AXDND1: variants seen among roughly 807,000 people sequenced by gnomAD.
The protein encoded by AXDND1 is axonemal dynein light chain domain containing 1.
A neutral mutation model predicts 137.5 loss-of-function variants in AXDND1; 110 were observed. The ratio of observed to expected loss-of-function variants is 0.80; its 90% CI spans 0.69 to 0.94. AXDND1 has a LOEUF of 0.94. Ranked by LOEUF, AXDND1 falls within the 40% of genes least tolerant of loss-of-function variation. AXDND1 has a pLI of 0.00. For missense variants in AXDND1, 1,191 were observed against 1,169.8 expected, an observed-to-expected ratio of 1.02 and a Z score of -0.26; for synonymous variants, 414 against 399.7, an observed-to-expected ratio of 1.04 and a Z score of -0.43.
At chr1:179,515,626 G>A (rs1435312706) in intron 21 of AXDND1, among the ~76,000 whole-genome samples, 6 of 152,084 alleles carry the variant, frequency 3.9e-5, no homozygotes, top group African/African-American at 1.2e-4. Flanking sequence ...GATCTCTAGC[G>A]AGGCCAGGGA....
At chr1:179,379,539 A>G in intron 6 of AXDND1, 57 bp downstream of exon 6, 1 of 1,585,600 alleles carries the variant, frequency 6.3e-7, no homozygotes, top group East Asian at 2.3e-5. Context: ...CATGCCTGTA[A>G]TCCCAGCACT....
intron 12 of AXDND1, among the ~76,000 whole-genome samples, chr1:179,417,191 C>CTTTTTTTTTTTTTTTTTTTT (rs141201555): frequency 7.0e-6 from 1 of 143,568 alleles, no homozygotes. Context: ...ACTATCTCCT[C>CTTTTTTTTTTTTTTTTTTTT]TTTTTTTTTT....
At chr1:179,388,622 C>T (rs930496894) in intron 9 of AXDND1, among the ~76,000 whole-genome samples, 8 of 151,888 alleles carry the variant, frequency 5.3e-5, no homozygotes, top group African/African-American at 1.9e-4. Context: ...CAGGATCTCG[C>T]TGTGGCCCAG....
At chr1:179,401,583 G>A (rs1652059705) in intron 11 of AXDND1, among the ~76,000 whole-genome samples, 1 of 151,920 alleles carries the variant, frequency 6.6e-6, no homozygotes, top group South Asian at 2.1e-4. Context: ...AATATGGTTT[G>A]GCTGTGTCCC....
chr1:179,525,225 T>A (rs968082015), intron 21 of AXDND1, 109 bp from the exon 22 acceptor site: 32 of 1,101,994 alleles, frequency 2.9e-5, no homozygotes, highest in Non-Finnish European at 1.5e-5. Context: ...TGTATCCTTG[T>A]CACTAGCACA....
chr1:179,370,415 T>C (rs1667930967), intron 4 of AXDND1, among the ~76,000 whole-genome samples: 1 of 152,234 alleles, frequency 6.6e-6, no homozygotes, highest in East Asian at 1.9e-4. Context: ...TTAGTGCTCC[T>C]TTTATCTGTG....
chr1:179,521,080 G>GC (rs1670019175), intron 21 of AXDND1, among the ~76,000 whole-genome samples: 1 of 152,004 alleles, frequency 6.6e-6, no homozygotes, highest in South Asian at 2.1e-4. Context: ...TCCCACCTCA[G>GC]CCTCCGGACT....
intron 23 of AXDND1, among the ~76,000 whole-genome samples, chr1:179,531,610 A>G (rs771454757): frequency 1.3e-5 from 2 of 152,134 alleles, no homozygotes; most frequent in Non-Finnish European, 2.9e-5. Flanking sequence ...GACGAGGTTG[A>G]TTGATATTTG....
intron 20 of AXDND1, among the ~76,000 whole-genome samples, chr1:179,505,190 A>G (rs373769066): frequency 6.6e-6 from 1 of 152,240 alleles, no homozygotes; most frequent in Non-Finnish European, 1.5e-5. Context: ...TTTTCCAGAG[A>G]AGCCTTGTCT....
intron 23 of AXDND1, among the ~76,000 whole-genome samples, chr1:179,531,139 A>T (rs1671002604): frequency 6.6e-6 from 1 of 152,046 alleles, no homozygotes; most frequent in South Asian, 2.1e-4. Context: ...ATATTCTAAG[A>T]TTTGATGCTG....
chr1:179,539,455 G>T (rs949999978), intron 25 of AXDND1, among the ~76,000 whole-genome samples: 2 of 152,178 alleles, frequency 1.3e-5, no homozygotes, highest in Admixed American at 6.5e-5. Flanking sequence ...ATGAAGCTTA[G>T]TTTGGCTGGA....
chr1:179,398,402 C>T (rs1026321984), intron 11 of AXDND1, among the ~76,000 whole-genome samples: 1 of 152,176 alleles, frequency 6.6e-6, no homozygotes, highest in Non-Finnish European at 1.5e-5. Context: ...GGTCACTACA[C>T]TCTGTTGGGT....
At chr1:179,425,893 G>A (rs1411782475) in intron 12 of AXDND1, among the ~76,000 whole-genome samples, 1 of 146,654 alleles carries the variant, frequency 6.8e-6, no homozygotes, top group Non-Finnish European at 1.5e-5. Flanking sequence ...CTGGAATGCA[G>A]TGGCACAATC....
chr1:179,445,245 A>G (rs973342443), intron 16 of AXDND1, 41 bp downstream of exon 16: 4 of 1,259,732 alleles, frequency 3.2e-6, no homozygotes, highest in African/African-American at 1.5e-5. Context: ...TTGGTATAAA[A>G]TGTTTCCACA....
intron 17 of AXDND1, among the ~76,000 whole-genome samples, chr1:179,469,296 T>A (rs928204404): frequency 3.3e-5 from 5 of 152,180 alleles, no homozygotes; most frequent in Non-Finnish European, 7.3e-5. Context: ...CTTCTTTGAC[T>A]TAGCATAATT....
intron 25 of AXDND1, among the ~76,000 whole-genome samples, chr1:179,542,040 C>T (rs1672220088): frequency 6.6e-6 from 1 of 152,092 alleles, no homozygotes; most frequent in Non-Finnish European, 1.5e-5. Flanking sequence ...CAGACATTGT[C>T]TCTGGGTAAT....
chr1:179,524,328 C>T (rs1670342121), intron 21 of AXDND1, among the ~76,000 whole-genome samples: 1 of 152,168 alleles, frequency 6.6e-6, no homozygotes, highest in Admixed American at 6.5e-5. Context: ...TCTCTGGCTA[C>T]TTCACAAGTT....
chr1:179,414,518 G>T (rs953042094), intron 12 of AXDND1, among the ~76,000 whole-genome samples: 1 of 151,980 alleles, frequency 6.6e-6, no homozygotes, highest in African/African-American at 2.4e-5. Flanking sequence ...TCCGCCCCCT[G>T]GGGTTCACGC....
At chr1:179,456,596 A>G in intron 16 of AXDND1, 1 of 800,156 alleles carries the variant, frequency 1.2e-6, no homozygotes, top group Non-Finnish European at 2.2e-6. Context: ...CACCATCATT[A>G]CCAAACCCAT....
Sources: gnomAD v4.1 joint callset for allele counts (sites outside exome capture counted in the v4.1 genomes callset) on GRCh38, gnomAD v4.1.1 for gene constraint, MANE v1.5 for transcripts, NCBI Gene and HGNC (gene_info 2026-07-23, HGNC 2026-07-21) for gene names.